Variants in PTER observed in about 807,000 individuals in gnomAD.
The protein encoded by PTER is N-acetyltaurine hydrolase.
In PTER, 38 loss-of-function variants were observed where a neutral mutation model predicts 29.6. The ratio of observed to expected loss-of-function variants is 1.28; its 90% CI spans 0.99 to 1.68. PTER has a LOEUF of 1.68. Among genes scored for constraint, PTER ranks in the 40% most tolerant of loss-of-function variants. The pLI, the probability that PTER is intolerant of heterozygous loss-of-function variation, is 0.00. For missense variants in PTER, 482 were observed against 427.8 expected, an observed-to-expected ratio of 1.13 and a Z score of -1.12; for synonymous variants, 172 against 154.5, an observed-to-expected ratio of 1.11 and a Z score of -0.84.
At chr10:16,483,147 T>C (rs1165318716) in intron 1 of PTER, among the ~76,000 whole-genome samples, 2 of 152,190 alleles carry the variant, frequency 1.3e-5, no homozygotes, top group African/African-American at 4.8e-5. Context: ...AGTACTGGAA[T>C]TGGAGTTCTT....
intron 1 of PTER, among the ~76,000 whole-genome samples, chr10:16,443,571 T>C (rs1006777361): frequency 6.6e-6 from 1 of 152,226 alleles, no homozygotes; most frequent in Non-Finnish European, 1.5e-5. Context: ...TAACTAACAT[T>C]ACTTGGAGGA....
chr10:16,449,541 C>A (rs1012502486), intron 1 of PTER, among the ~76,000 whole-genome samples: 1 of 145,442 alleles, frequency 6.9e-6, no homozygotes, highest in Non-Finnish European at 1.5e-5. Context: ...CTTCTGCTGT[C>A]CATTACAGTA....
intron 3 of PTER, among the ~76,000 whole-genome samples, chr10:16,493,494 C>T (rs966488319): frequency 6.6e-6 from 1 of 151,962 alleles, no homozygotes; most frequent in South Asian, 2.1e-4. Context: ...TAATTTTGAA[C>T]TCCTTCCTCA....
chr10:16,449,234 A>G (rs565850486), intron 1 of PTER, among the ~76,000 whole-genome samples: 14 of 152,228 alleles, frequency 9.2e-5, no homozygotes, highest in Non-Finnish European at 2.9e-5. Context: ...TCACTCTACC[A>G]TTCAGGGAGC....
intron 1 of PTER, among the ~76,000 whole-genome samples, chr10:16,457,532 C>T (rs1236505573): frequency 6.6e-6 from 1 of 151,998 alleles, no homozygotes; most frequent in African/African-American, 2.4e-5. Flanking sequence ...GATTATTAAG[C>T]ATTTCTTCTT....
intron 1 of PTER, among the ~76,000 whole-genome samples, chr10:16,460,438 T>C (rs1040169140): frequency 6.6e-6 from 1 of 152,216 alleles, no homozygotes; most frequent in African/African-American, 2.4e-5. Flanking sequence ...AGTCATCAAA[T>C]TAAATGATCT....
chr10:16,468,094 C>T (rs2133408833), intron 1 of PTER, among the ~76,000 whole-genome samples: 1 of 152,266 alleles, frequency 6.6e-6, no homozygotes, highest in African/African-American at 2.4e-5. Flanking sequence ...GTAATCCCAG[C>T]ACTTTGGGAG....
chr10:16,502,178 G>A (rs554670545), intron 3 of PTER, among the ~76,000 whole-genome samples: 14 of 152,298 alleles, frequency 9.2e-5, no homozygotes, highest in Admixed American at 4.6e-4. Flanking sequence ...CCTGTAACTG[G>A]TGACTCCATT....
chr10:16,476,901 C>CTCTCTCTTTTTTTTTTTT (rs1214090481), intron 1 of PTER, among the ~76,000 whole-genome samples: 1 of 100,368 alleles, frequency 1.0e-5, no homozygotes, highest in African/African-American at 4.5e-5. Context: ...TCCTAGAATT[C>CTCTCTCTTTTTTTTTTTT]TTTTTTTTTT....
intron 1 of PTER, among the ~76,000 whole-genome samples, chr10:16,473,518 C>A (rs1373749080): frequency 3.2e-5 from 2 of 61,862 alleles, no homozygotes; most frequent in African/African-American, 1.1e-4. Flanking sequence ...AGACTCCATC[C>A]GAAAAAAAAA....
chr10:16,454,664 CAT>C (rs374174515), intron 1 of PTER, among the ~76,000 whole-genome samples: 524 of 142,270 alleles, frequency 3.7e-3, no homozygotes, highest in Non-Finnish European at 5.8e-3. Context: ...GAGAGAAAAA[CAT>C]ATTTTTCTAA....
intron 1 of PTER, among the ~76,000 whole-genome samples, chr10:16,477,173 G>A (rs913591616): frequency 4.6e-5 from 7 of 152,188 alleles, no homozygotes; most frequent in African/African-American, 1.2e-4. Flanking sequence ...CAGAGTGCTG[G>A]GATTACAGGC....
chr10:16,443,484 C>A (rs1362366966), intron 1 of PTER, among the ~76,000 whole-genome samples: 2 of 152,182 alleles, frequency 1.3e-5, no homozygotes, highest in African/African-American at 4.8e-5. Context: ...GAGTTATTTT[C>A]TTTGATTGTT....
At chr10:16,501,155 T>C (rs770068994) in intron 3 of PTER, among the ~76,000 whole-genome samples, 9 of 152,026 alleles carry the variant, frequency 5.9e-5, no homozygotes, top group Non-Finnish European at 8.8e-5. Flanking sequence ...GGTCTTGAAC[T>C]CCTGACCTCA....
At chr10:16,478,279 G>C (rs762616121) in intron 1 of PTER, among the ~76,000 whole-genome samples, 1 of 151,596 alleles carries the variant, frequency 6.6e-6, no homozygotes, top group African/African-American at 2.4e-5. Context: ...GTTGCACTTC[G>C]ATCTGGGTTG....
intron 4 of PTER, among the ~76,000 whole-genome samples, chr10:16,506,741 G>A (rs1408139431): frequency 6.6e-6 from 1 of 151,844 alleles, no homozygotes; most frequent in Non-Finnish European, 1.5e-5. Context: ...TAGTGTCTCT[G>A]TGAGGTGGAC....
chr10:16,514,213 T>G (rs1268633909), downstream of PTER: 2 of 430,456 alleles, frequency 4.6e-6, no homozygotes, highest in African/African-American at 4.1e-5. Flanking sequence ...ATCATATATA[T>G]AGAAGAAATA....
At chr10:16,504,341 C>T (rs919648994) in intron 3 of PTER, among the ~76,000 whole-genome samples, 2 of 152,088 alleles carry the variant, frequency 1.3e-5, no homozygotes, top group African/African-American at 2.4e-5. Context: ...AAAATAGTTA[C>T]ATTCTTTATA....
At chr10:16,497,070 G>T (rs765748258) in intron 3 of PTER, among the ~76,000 whole-genome samples, 161 of 152,062 alleles carry the variant, frequency 1.1e-3, no homozygotes, top group Admixed American at 3.7e-3. Context: ...AAGTAGCTAG[G>T]ATTACAGGTG....
Sources: allele counts gnomAD v4.1 joint callset (sites outside exome capture counted in the v4.1 genomes callset), GRCh38; gene constraint gnomAD v4.1.1; transcripts MANE v1.5; gene names NCBI Gene and HGNC (gene_info 2026-07-23, HGNC 2026-07-21).